ARHGAP22: variants seen among roughly 807,000 people sequenced by gnomAD.
The protein encoded by ARHGAP22 is rho GTPase-activating protein 22.
Under a neutral mutation model 59.1 loss-of-function variants are expected in ARHGAP22, and 48 were observed. The observed-to-expected ratio is 0.81, with a 90% CI of 0.64 to 1.03. The LOEUF is 1.03. Among genes scored for constraint, ARHGAP22 ranks in the 50% least tolerant of loss-of-function variants. ARHGAP22 has a pLI of 0.00. For missense variants in ARHGAP22, 1,015 were observed against 958.7 expected, an observed-to-expected ratio of 1.06 and a Z score of -0.78; for synonymous variants, 445 against 416.4, an observed-to-expected ratio of 1.07 and a Z score of -0.84.
intron 3 of ARHGAP22, among the ~76,000 whole-genome samples, chr10:48,501,884 C>T (rs11101344): frequency 0.15 from 22,545 of 152,068 alleles, 2,477 homozygotes; most frequent in East Asian, 0.59. Flanking sequence ...GGATACTGGG[C>T]CCCAGGCTAG....
chr10:48,641,507 C>A (rs867140781), intron 1 of ARHGAP22, among the ~76,000 whole-genome samples: 11 of 152,170 alleles, frequency 7.2e-5, no homozygotes, highest in Admixed American at 2.0e-4. Context: ...CATGATATCT[C>A]AATAGACGCA....
At chr10:48,576,599 T>A (rs1019736415) in intron 2 of ARHGAP22, among the ~76,000 whole-genome samples, 2 of 152,172 alleles carry the variant, frequency 1.3e-5, no homozygotes, top group African/African-American at 4.8e-5. Flanking sequence ...ATAAATTATT[T>A]CCATCTTATT....
chr10:48,437,817 C>T, the ARHGAP22 span: 1 of 152,248 alleles, frequency 6.6e-6, no homozygotes, highest in East Asian at 1.9e-4. Context: ...ACACACAACC[C>T]CCTTAACAAT....
At chr10:48,526,169 A>G (rs1430799263) in intron 3 of ARHGAP22, among the ~76,000 whole-genome samples, 1 of 152,162 alleles carries the variant, frequency 6.6e-6, no homozygotes, top group African/African-American at 2.4e-5. Flanking sequence ...AATCTCAGCA[A>G]GGGCAGGCTG....
chr10:48,652,226 A>G lies in ARHGAP22; in HGVS notation c.52+8T>C, dbSNP rs2062597871. 7 of 1,534,966 alleles carry G rather than the reference A, an allele frequency of 4.6e-6. No homozygotes were observed. In the East Asian group the frequency reaches 1.2e-4, roughly 27 times the overall value. ...CATTTCCCACATAGAACATAAAAAAATTCTTACTGAAATATCTGGCTGCAA... is the reference window on the plus strand; with the variant it reads ...CATTTCCCACATAGAACATAAAAAAGTTCTTACTGAAATATCTGGCTGCAA... On this transcript the variant is annotated splice_region_variant and intron_variant, in intron 1 of 9. Coordinates refer to the ARHGAP22 transcript ENST00000435790.
chr10:48,610,884 G>T (rs1435693140), intron 1 of ARHGAP22, among the ~76,000 whole-genome samples: 2 of 152,246 alleles, frequency 1.3e-5, no homozygotes, highest in Non-Finnish European at 2.9e-5. Context: ...ACAGCTAGCA[G>T]CTGTCAGCTG....
intron 2 of ARHGAP22, among the ~76,000 whole-genome samples, chr10:48,568,524 G>T (rs544437679): frequency 6.6e-6 from 1 of 152,344 alleles, no homozygotes; most frequent in Admixed American, 6.5e-5. Flanking sequence ...CTGCAGTTGA[G>T]ACAGGTATGT....
At chr10:48,461,551 G>A (rs1463505649) in intron 4 of ARHGAP22, among the ~76,000 whole-genome samples, 1 of 152,216 alleles carries the variant, frequency 6.6e-6, no homozygotes, top group Non-Finnish European at 1.5e-5. Flanking sequence ...GAGAGAGGAA[G>A]GAGGCAGAGG....
the ARHGAP22 span, among the ~76,000 whole-genome samples, chr10:48,439,912 A>C: frequency 2.6e-5 from 4 of 152,250 alleles, no homozygotes; most frequent in Non-Finnish European, 4.4e-5. Context: ...TCCTCTGAGG[A>C]GCGGAGAGGA....
intron 3 of ARHGAP22, among the ~76,000 whole-genome samples, chr10:48,543,876 C>A (rs373525070): frequency 5.3e-5 from 8 of 152,016 alleles, no homozygotes; most frequent in African/African-American, 1.9e-4. Flanking sequence ...AATCCCAGCA[C>A]TTTGAGAGGC....
Position 48,451,355 on chromosome 10 carries a change from C to G in ARHGAP22, c.989-215G>C, listed in dbSNP as rs907525776. ...GATGGGGCCGCAGAACCGCCTTCCT[C>G]AGGCACAGAGCCGCAAGCAGGGAGG... On this transcript the variant is annotated intron_variant, in intron 8 of 9. Coordinates refer to ENST00000249601, the MANE Select transcript of ARHGAP22 (RefSeq NM_021226.4). 9.5e-6 allele frequency: 7 copies of G among 740,612 alleles called. No individual in the cohort carries two copies. In the African/African-American group the frequency reaches 1.0e-4, roughly 11 times the overall value. The allele number at this position is 740,612 out of a possible 1,614,324, so 45.9% of individuals were successfully genotyped here.
At chr10:48,586,900 TG>T (rs1250393152) in intron 1 of ARHGAP22, among the ~76,000 whole-genome samples, 1 of 152,196 alleles carries the variant, frequency 6.6e-6, no homozygotes, top group Non-Finnish European at 1.5e-5. Context: ...CCAGAGCTAC[TG>T]GGCCCCCTTT....
intron 2 of ARHGAP22, among the ~76,000 whole-genome samples, chr10:48,562,288 T>C (rs573343268): frequency 2.4e-5 from 1 of 42,174 alleles, no homozygotes; most frequent in Non-Finnish European, 5.2e-5. Context: ...ATTCCGCTCC[T>C]ACATATACCC....
rs1179187699 is a variant in ARHGAP22 at position 48,582,788 on chromosome 10, C to G, written c.234+165G>C. The G allele has an allele frequency of 1.2e-5, 9 of 735,288 alleles. No homozygotes were observed. The South Asian group carries it at 1.7e-4, about 14-fold the overall frequency. The allele number at this position is 735,288 out of a possible 1,614,324, so 45.5% of individuals were successfully genotyped here. On this transcript the variant is annotated intron_variant, in intron 2 of 9. Coordinates refer to ENST00000249601, the MANE Select transcript of ARHGAP22 (RefSeq NM_021226.4). ...GTTCCAGTAAAACAGGCTGTGATACCAGGAACATGGGGGATAAGAATGAAA... is the reference window on the plus strand; with the variant it reads ...GTTCCAGTAAAACAGGCTGTGATACGAGGAACATGGGGGATAAGAATGAAA...
intron 1 of ARHGAP22, among the ~76,000 whole-genome samples, chr10:48,583,584 G>T (rs1051557758): frequency 5.9e-5 from 9 of 152,148 alleles, no homozygotes; most frequent in African/African-American, 1.9e-4. Context: ...GCATAGAACC[G>T]TTCTAGTTTT....
At chr10:48,511,555 A>T (rs2052769565) in intron 3 of ARHGAP22, 1 of 152,442 alleles carries the variant, frequency 6.6e-6, no homozygotes, top group Middle Eastern at 3.4e-3. Context: ...TCCAAGGTTC[A>T]GGGACTCTCT....
the ARHGAP22 span, among the ~76,000 whole-genome samples, chr10:48,440,433 A>G: frequency 6.6e-6 from 1 of 152,232 alleles, no homozygotes; most frequent in South Asian, 2.1e-4. Flanking sequence ...GAAATGGTGT[A>G]TATGGAGGAA....
At chr10:48,508,767 G>A (rs185867147) in intron 3 of ARHGAP22, among the ~76,000 whole-genome samples, 40 of 152,360 alleles carry the variant, frequency 2.6e-4, no homozygotes, top group African/African-American at 8.7e-4. Flanking sequence ...CACTGCCCAG[G>A]GCAGGGTACA....
intron 4 of ARHGAP22, among the ~76,000 whole-genome samples, chr10:48,462,621 A>G (rs1006998976): frequency 1.3e-5 from 2 of 152,216 alleles, no homozygotes; most frequent in African/African-American, 4.8e-5. Context: ...CCAATCCAGC[A>G]CCAGCAGTTC....
Sources: allele counts gnomAD v4.1 joint callset (sites outside exome capture counted in the v4.1 genomes callset), GRCh38; gene constraint gnomAD v4.1.1; transcripts MANE v1.5; gene names NCBI Gene and HGNC (gene_info 2026-07-23, HGNC 2026-07-21).